PARD3B: variants seen among roughly 807,000 people sequenced by gnomAD.
PARD3B encodes the protein par-3 family cell polarity regulator beta, also known as partitioning defective 3 homolog B.
PARD3B carries 103 observed loss-of-function variants against 130.2 expected under a neutral mutation model. That is an observed-to-expected ratio of 0.79 (90% CI 0.67 to 0.93). The LOEUF is 0.93. PARD3B is among the 40% of genes least tolerant of loss of function. The pLI is 0.00. For synonymous variants in PARD3B, 583 were observed against 553.2 expected (o/e 1.05, Z -0.76); for missense variants, 1,609 against 1,499.2 (o/e 1.07, Z -1.21).
intron 18 of PARD3B, among the ~76,000 whole-genome samples, chr2:205,395,481 C>T (rs1335995390): frequency 1.3e-5 from 2 of 152,142 alleles, no homozygotes. Context: ...CTGTTGTCCA[C>T]CTGCCTCTCC....
intron 22 of PARD3B, among the ~76,000 whole-genome samples, chr2:205,608,479 G>A (rs558821621): frequency 1.6e-4 from 24 of 152,170 alleles, no homozygotes; most frequent in Non-Finnish European, 3.4e-4. Context: ...GTAATGATAT[G>A]CAGGTATCGT....
At chr2:205,552,861 A>T (rs980635542) in intron 21 of PARD3B, among the ~76,000 whole-genome samples, 3 of 152,214 alleles carry the variant, frequency 2.0e-5, no homozygotes, top group Non-Finnish European at 2.9e-5. Context: ...TTTAGTTAAC[A>T]ATAATGTATC....
At chr2:205,316,340 G>A (rs568053441) in intron 18 of PARD3B, among the ~76,000 whole-genome samples, 47 of 152,072 alleles carry the variant, frequency 3.1e-4, no homozygotes, top group African/African-American at 1.1e-3. Flanking sequence ...AATCACTAAC[G>A]GGAAGAAATG....
chr2:205,072,449 C>T (rs932771811), intron 4 of PARD3B, among the ~76,000 whole-genome samples: 1 of 152,022 alleles, frequency 6.6e-6, no homozygotes, highest in African/African-American at 2.4e-5. Context: ...CGGGGTTTCA[C>T]CACGTTGGCC....
chr2:205,053,279 G>C (rs1699358604), intron 4 of PARD3B, among the ~76,000 whole-genome samples: 1 of 151,598 alleles, frequency 6.6e-6, no homozygotes, highest in South Asian at 2.1e-4. Context: ...TTGATTTCAG[G>C]GTTAAAATAA....
intron 21 of PARD3B, among the ~76,000 whole-genome samples, chr2:205,552,103 A>C (rs1348047349): frequency 6.6e-6 from 1 of 152,220 alleles, no homozygotes; most frequent in Non-Finnish European, 1.5e-5. Flanking sequence ...TCTTGTCATT[A>C]AGAAACCAAC....
chr2:205,071,193 G>T (rs2125484804), intron 4 of PARD3B, among the ~76,000 whole-genome samples: 1 of 152,260 alleles, frequency 6.6e-6, no homozygotes, highest in East Asian at 1.9e-4. Flanking sequence ...TTGCTGAGTA[G>T]AAGCTCCTTC....
intron 22 of PARD3B, among the ~76,000 whole-genome samples, chr2:205,599,033 A>T (rs908662677): frequency 6.6e-6 from 1 of 152,174 alleles, no homozygotes; most frequent in African/African-American, 2.4e-5. Flanking sequence ...TCAAATTAAC[A>T]ACCTAATATC....
chr2:204,667,355 AT>A (rs111943183), intron 1 of PARD3B, among the ~76,000 whole-genome samples: 4,514 of 151,050 alleles, frequency 0.03, 110 homozygotes, highest in Non-Finnish European at 0.046. Flanking sequence ...TACCTTAAAT[AT>A]TTTTTTTTAC....
chr2:204,676,575 C>G (rs530345665), intron 1 of PARD3B, among the ~76,000 whole-genome samples: 1 of 151,824 alleles, frequency 6.6e-6, no homozygotes, highest in African/African-American at 2.4e-5. Context: ...CCTGTAGCAT[C>G]CTTGAGATAC....
At chr2:204,574,656 T>C (rs1004137087) in intron 1 of PARD3B, among the ~76,000 whole-genome samples, 4 of 152,246 alleles carry the variant, frequency 2.6e-5, no homozygotes, top group East Asian at 3.8e-4. Context: ...TCTGTTCTTA[T>C]CTGTAAGATG....
At chr2:204,567,036 G>A (rs2031719495) in intron 1 of PARD3B, among the ~76,000 whole-genome samples, 1 of 151,958 alleles carries the variant, frequency 6.6e-6, no homozygotes, top group East Asian at 1.9e-4. Flanking sequence ...CCACCACCAC[G>A]CCCAGCTAAT....
intron 2 of PARD3B, among the ~76,000 whole-genome samples, chr2:204,893,757 C>T (rs966212734): frequency 2.6e-5 from 4 of 152,106 alleles, no homozygotes; most frequent in Non-Finnish European, 5.9e-5. Context: ...GTAGCCACAT[C>T]ACAAGTGTTC....
chr2:204,974,695 T>C (rs1691989462), intron 3 of PARD3B, among the ~76,000 whole-genome samples: 1 of 152,236 alleles, frequency 6.6e-6, no homozygotes, highest in Non-Finnish European at 1.5e-5. Flanking sequence ...AGACTTTAGC[T>C]TGGTGTTACA....
intron 19 of PARD3B, among the ~76,000 whole-genome samples, chr2:205,430,443 T>G (rs1025151774): frequency 6.6e-6 from 1 of 152,226 alleles, no homozygotes; most frequent in African/African-American, 2.4e-5. Context: ...ATTTAATTCA[T>G]TTAAATTTTA....
chr2:205,514,924 T>G (rs1207966341), intron 21 of PARD3B, among the ~76,000 whole-genome samples: 1 of 151,666 alleles, frequency 6.6e-6, no homozygotes, highest in African/African-American at 2.4e-5. Context: ...TTGGACAGAT[T>G]ATTTCATCAC....
intron 21 of PARD3B, among the ~76,000 whole-genome samples, chr2:205,532,142 A>G (rs1168597647): frequency 2.0e-5 from 3 of 152,196 alleles, no homozygotes; most frequent in Non-Finnish European, 4.4e-5. Context: ...GATAATTTAT[A>G]CAAAATTAAT....
At chr2:204,603,405 G>T (rs558416548) in intron 1 of PARD3B, among the ~76,000 whole-genome samples, 3 of 152,092 alleles carry the variant, frequency 2.0e-5, no homozygotes, top group Non-Finnish European at 4.4e-5. Context: ...AACTGTTTCA[G>T]TGGTTATTGT....
At position 205,121,483 on chromosome 2, in the gene PARD3B, C is replaced by T; in HGVS notation, c.807-108C>T. The T allele has an allele frequency of 1.1e-6, 1 of 911,708 alleles. No individual in the cohort carries two copies. The highest frequency in any genetic ancestry group is 1.7e-6 in the Non-Finnish European group (1 of 585,342). The allele number at this position is 911,708 out of a possible 1,614,324, so 56.5% of individuals were successfully genotyped here. ...TCTGATAGGAATATTGATCGTGTCT[C>T]CTATGATTAGCCACTGTGCTGCTCT... On this transcript the variant is annotated intron_variant, in intron 7 of 22. Transcript: ENST00000406610. This position sits in a 1 kb window ranked among gnomAD's most constrained non-coding sequence, Gnocchi z 5.0.
Sources: allele counts gnomAD v4.1 joint callset (sites outside exome capture counted in the v4.1 genomes callset), GRCh38; gene constraint gnomAD v4.1.1; non-coding constraint Gnocchi (gnomAD v3.1); transcripts MANE v1.5; gene names NCBI Gene and HGNC (gene_info 2026-07-23, HGNC 2026-07-21).